PTK2B: variants seen among roughly 807,000 people sequenced by gnomAD.
PTK2B encodes protein-tyrosine kinase 2-beta.
PTK2B carries 71 observed loss-of-function variants against 142.9 expected under a neutral mutation model. That is an observed-to-expected ratio of 0.50 (90% CI 0.41 to 0.61). The LOEUF (loss-of-function observed/expected upper bound fraction) is 0.61, where lower values mean the gene tolerates loss of function less well. PTK2B is among the 20% of genes least tolerant of loss of function. The probability of loss-of-function intolerance (pLI) is 0.00; values close to 1 mark genes in which losing one functional copy is unlikely to be tolerated. For synonymous variants in PTK2B, 519 were observed against 503.4 expected (o/e 1.03, Z -0.42); for missense variants, 1,105 against 1,320.4 (o/e 0.84, Z 2.53).
At chr8:27,433,623 G>A in intron 11 of PTK2B, 71 bp downstream of exon 11, 1 of 1,332,062 alleles carries the variant, frequency 7.5e-7, no homozygotes, top group Non-Finnish European at 1.1e-6. Context: ...GAGGCGGAGT[G>A]GCAGAAGCTA....
chr8:27,393,026 C>G (rs1462576069), intron 1 of PTK2B, among the ~76,000 whole-genome samples: 1 of 152,120 alleles, frequency 6.6e-6, no homozygotes, highest in African/African-American at 2.4e-5. Flanking sequence ...TTTGTGCCGC[C>G]CTTAGGGGAT....
At chr8:27,431,526 C>T (rs1810427356) in intron 9 of PTK2B, 54 bp downstream of exon 9, 4 of 1,603,860 alleles carry the variant, frequency 2.5e-6, no homozygotes, top group Admixed American at 3.3e-5. Context: ...GTCGTCCCCT[C>T]TCTGCTGCCT....
At chr8:27,311,719 A>G (rs1324815049) in intron 1 of PTK2B, 1 of 161,334 alleles carries the variant, frequency 6.2e-6, no homozygotes, top group African/African-American at 2.4e-5. Flanking sequence ...CGTGAGTGCA[A>G]TCACCACTTA....
chr8:27,458,449 G>C lies in PTK2B; in HGVS notation c.2970G>C (p.Leu990=). The part of the protein sequence containing the change: ...SHTLAVDAKN[L]LDAVDQAKVL... ...CCCTGGCTGTGGACGCCAAGAACCT[G>C]CTCGACGCTGTGGACCAGGCCAAGG... Residue 990 remains leucine, a synonymous_variant, in exon 31 of 31, where the codon CTG becomes CTC. Coordinates refer to ENST00000346049, the MANE Select transcript of PTK2B (RefSeq NM_173176.3). The C allele has an allele frequency of 2.5e-6, 4 of 1,605,402 alleles. No homozygotes were observed. Among genetic ancestry groups the C allele is most frequent in the Non-Finnish European group, 3.4e-6 (4 of 1,175,910 alleles).
At chr8:27,405,245 C>T (rs562358866) in intron 2 of PTK2B, among the ~76,000 whole-genome samples, 49 of 152,108 alleles carry the variant, frequency 3.2e-4, no homozygotes, top group Non-Finnish European at 4.7e-4. Context: ...TCAAGATGAC[C>T]GGGACACAGG....
At chr8:27,440,794 C>T (rs1811112991) in intron 21 of PTK2B, among the ~76,000 whole-genome samples, 2 of 152,194 alleles carry the variant, frequency 1.3e-5, no homozygotes, top group Admixed American at 6.5e-5. Flanking sequence ...CCTTGTCTCT[C>T]GACTTTGATC....
intron 17 of PTK2B, 54 bp from the exon 18 acceptor site, chr8:27,437,711 G>C: frequency 6.5e-7 from 1 of 1,527,742 alleles, no homozygotes; most frequent in Non-Finnish European, 8.9e-7. Flanking sequence ...CTGGTCCCCT[G>C]GCTCCATACT....
chr8:27,339,821 G>T (rs942020820), intron 1 of PTK2B, among the ~76,000 whole-genome samples: 2 of 152,220 alleles, frequency 1.3e-5, no homozygotes, highest in Non-Finnish European at 2.9e-5. Context: ...AGAATTAGGA[G>T]TTCAGGTCAG....
At chr8:27,427,908 C>G (rs908833212) in intron 5 of PTK2B, among the ~76,000 whole-genome samples, 6 of 152,042 alleles carry the variant, frequency 3.9e-5, no homozygotes, top group African/African-American at 7.3e-5. Context: ...TTCCATGCAC[C>G]CTGGTTGGGG....
chr8:27,442,770 A>G (rs1811232628), intron 21 of PTK2B, 105 bp from the exon 22 acceptor site: 2 of 933,518 alleles, frequency 2.1e-6, no homozygotes, highest in Admixed American at 2.3e-5. Context: ...GGACCTAGCA[A>G]CCTTGCCCAG....
chr8:27,452,459 T>C (rs1811874067), intron 27 of PTK2B: 2 of 150,460 alleles, frequency 1.3e-5, no homozygotes, highest in Admixed American at 1.3e-4. Context: ...GCCCAGCGGC[T>C]CAGGAGGCCG....
intron 1 of PTK2B, among the ~76,000 whole-genome samples, chr8:27,382,614 C>T (rs1382061382): frequency 2.0e-5 from 3 of 151,960 alleles, no homozygotes; most frequent in Non-Finnish European, 4.4e-5. Context: ...TTTTTGAAGT[C>T]TTACCTGCAA....
intron 1 of PTK2B, among the ~76,000 whole-genome samples, chr8:27,389,422 C>G (rs1807573134): frequency 6.6e-6 from 1 of 152,058 alleles, no homozygotes; most frequent in Non-Finnish European, 1.5e-5. Context: ...AGAATGGAGC[C>G]CAGAAGTCAA....
At chr8:27,373,078 G>T (rs1273778024) in intron 1 of PTK2B, among the ~76,000 whole-genome samples, 1 of 152,130 alleles carries the variant, frequency 6.6e-6, no homozygotes, top group Non-Finnish European at 1.5e-5. Flanking sequence ...TGGCCTATCG[G>T]CTTAGGCTCC....
At chr8:27,450,551 C>G (rs541771733) in intron 24 of PTK2B, among the ~76,000 whole-genome samples, 198 bp from the exon 25 acceptor site, 1 of 152,226 alleles carries the variant, frequency 6.6e-6, no homozygotes, top group Admixed American at 6.5e-5. Flanking sequence ...CACATTGCAA[C>G]GCAGATACAT....
chr8:27,336,551 G>T (rs1348914936), intron 1 of PTK2B, among the ~76,000 whole-genome samples: 1 of 152,122 alleles, frequency 6.6e-6, no homozygotes, highest in Admixed American at 6.6e-5. Context: ...AAATTAAAAA[G>T]CTTATTTTCA....
intron 24 of PTK2B, among the ~76,000 whole-genome samples, chr8:27,450,326 C>G (rs1228247413): frequency 6.6e-6 from 1 of 152,102 alleles, no homozygotes; most frequent in East Asian, 1.9e-4. Flanking sequence ...CTAAGCAAAG[C>G]CAGCCCCTTG....
chr8:27,458,585 G>A lies in PTK2B; in HGVS notation c.*76G>A. ...CCTCCCCTGCCTTGCTGTTGGTCATGTGGGTCTTCCAGGGGGAAGGCCAAG... is the reference window on the plus strand; with the variant it reads ...CCTCCCCTGCCTTGCTGTTGGTCATATGGGTCTTCCAGGGGGAAGGCCAAG... On this transcript the variant is annotated 3_prime_UTR_variant, in exon 31 of 31. Transcript: ENST00000346049. 1 of 1,473,038 alleles carries A rather than the reference G, an allele frequency of 6.8e-7. No homozygotes were observed. Among genetic ancestry groups the A allele is most frequent in the Non-Finnish European group, 9.2e-7 (1 of 1,090,802 alleles). The allele number at this position is 1,473,038 out of a possible 1,614,324, so 91.2% of individuals were successfully genotyped here. A position where few individuals can be genotyped will look rare whatever the true frequency, so the allele number is the denominator to read the frequency against.
At chr8:27,422,628 G>A (rs901353999) in intron 5 of PTK2B, among the ~76,000 whole-genome samples, 6 of 152,206 alleles carry the variant, frequency 3.9e-5, no homozygotes, top group African/African-American at 1.4e-4. Flanking sequence ...CACTGCTCTT[G>A]CCTGCAGGCT....
Sources: allele counts gnomAD v4.1 joint callset (sites outside exome capture counted in the v4.1 genomes callset), GRCh38; gene constraint gnomAD v4.1.1; transcripts MANE v1.5; gene names NCBI Gene and HGNC (gene_info 2026-07-23, HGNC 2026-07-21).